The following SFT2D1 variants were observed in gnomAD, a reference collection of about 807,000 sequenced individuals.
The protein encoded by SFT2D1 is SFT2 domain containing 1, also known as vesicle transport protein SFT2A.
SFT2D1 carries 24 observed loss-of-function variants against 28.1 expected under a neutral mutation model. The observed-to-expected ratio is 0.85, with a 90% CI of 0.62 to 1.20. SFT2D1 has a LOEUF of 1.20. Ranked by LOEUF, SFT2D1 falls within the 50% of genes most tolerant of loss-of-function variation. The probability of loss-of-function intolerance (pLI) is 0.00; values close to 1 mark genes in which losing one functional copy is unlikely to be tolerated. For synonymous variants in SFT2D1, 82 were observed against 73.7 expected (o/e 1.11, Z -0.58); for missense variants, 181 against 190.9 (o/e 0.95, Z 0.31).
At chr6:166,333,042 T>C (rs552553211) in intron 1 of SFT2D1, among the ~76,000 whole-genome samples, 15 of 152,230 alleles carry the variant, frequency 9.9e-5, no homozygotes, top group Admixed American at 6.5e-4. Context: ...CATCTAAACA[T>C]AGGAAACACT....
intron 3 of SFT2D1, 68 bp downstream of exon 3, chr6:166,329,439 A>G (rs1778509272): frequency 7.5e-7 from 1 of 1,334,562 alleles, no homozygotes; most frequent in Non-Finnish European, 1.1e-6. Flanking sequence ...TCCTACTGGG[A>G]AAGTGCTTAT....
chr6:166,341,493 T>C (rs1430741597), intron 1 of SFT2D1, among the ~76,000 whole-genome samples: 1 of 149,032 alleles, frequency 6.7e-6, no homozygotes, highest in Non-Finnish European at 1.5e-5. Flanking sequence ...GTGGCTGTGG[T>C]AATATACAGA....
intron 1 of SFT2D1, among the ~76,000 whole-genome samples, chr6:166,338,437 T>A (rs1245923143): frequency 6.6e-6 from 1 of 151,920 alleles, no homozygotes; most frequent in African/African-American, 2.4e-5. Flanking sequence ...AAATGGGCAA[T>A]AAACTAATGA....
rs1778804047 is a variant in SFT2D1, at chr6:166,342,434, C to G, written c.48G>C (p.Gln16His). 9 of 1,561,028 alleles carry G rather than the reference C, an allele frequency of 5.8e-6. No individual in the cohort carries two copies. The highest frequency in any genetic ancestry group is 7.8e-6 in the Non-Finnish European group (9 of 1,153,336). Residue 16 changes from glutamine (Q) to histidine (H), a missense_variant, in exon 1 of 8, where the codon CAG (glutamine) becomes CAC (histidine). By Grantham distance (24) the Gln-to-His change is conservative. Transcript: ENST00000361731. ...RVLSGQDDEEQGLTAQVLDAS... is the reference protein window; with the variant it reads ...RVLSGQDDEEHGLTAQVLDAS... ...AGTTCGCTACCTGCGCAGTCAGGCC[C>G]TGCTCCTCGTCGTCCTGGCCGCTCA...
intron 2 of SFT2D1, 111 bp downstream of exon 2, chr6:166,330,050 C>G: frequency 1.3e-6 from 1 of 744,448 alleles, no homozygotes; most frequent in Non-Finnish European, 2.0e-6. Flanking sequence ...ATACCTTCCA[C>G]CAAAATGGTC....
At chr6:166,320,854 G>A (rs1295233132) in intron 7 of SFT2D1, among the ~76,000 whole-genome samples, 6 of 152,180 alleles carry the variant, frequency 3.9e-5, no homozygotes, top group Non-Finnish European at 7.4e-5. Flanking sequence ...GGCCAGGCAA[G>A]GTGGCTCACG....
At chr6:166,326,502 C>G (rs1182885746) in intron 4 of SFT2D1, among the ~76,000 whole-genome samples, 1 of 152,204 alleles carries the variant, frequency 6.6e-6, no homozygotes, top group Non-Finnish European at 1.5e-5. Context: ...GAGATCCCAG[C>G]TCTGACGCCT....
At chr6:166,320,551 TTTTC>T (rs1778332961) in intron 7 of SFT2D1, among the ~76,000 whole-genome samples, 1 of 142,116 alleles carries the variant, frequency 7.0e-6, no homozygotes, top group Non-Finnish European at 1.6e-5. Flanking sequence ...GATCTAACTT[TTTTC>T]TTTTTTTTTC....
At chr6:166,329,351 G>A (rs1407792036) in intron 3 of SFT2D1, among the ~76,000 whole-genome samples, 156 bp downstream of exon 3, 2 of 152,176 alleles carry the variant, frequency 1.3e-5, no homozygotes, top group African/African-American at 2.4e-5. Context: ...ACGGCATACA[G>A]CAGCAGTCAA....
At chr6:166,342,337 C>T in intron 1 of SFT2D1, 82 bp downstream of exon 1, 1 of 1,349,854 alleles carries the variant, frequency 7.4e-7, no homozygotes, top group South Asian at 1.4e-5. Context: ...GCCTCGCACC[C>T]ACCCCACCCG....
At chr6:166,321,019 G>A (rs1778344744) in intron 7 of SFT2D1, among the ~76,000 whole-genome samples, 1 of 152,036 alleles carries the variant, frequency 6.6e-6, no homozygotes, top group African/African-American at 2.4e-5. Context: ...GCTGAGCCAG[G>A]AGAAACTCTT....
Position 166,329,492 on chromosome 6 carries a change from A to G in SFT2D1, c.233+15T>C. ...TAGCAAGAGCAAACAAGATATTTTG[A>G]GAAGCCAAACGTACCTGGCTAACGC... On this transcript the variant is annotated intron_variant, in intron 3 of 7. Transcript: ENST00000361731. 1 of 1,599,070 alleles carries G rather than the reference A, an allele frequency of 6.3e-7. No individual in the cohort carries two copies. Among genetic ancestry groups the G allele is most frequent in the Non-Finnish European group, 8.5e-7 (1 of 1,172,002 alleles).
intron 1 of SFT2D1, among the ~76,000 whole-genome samples, chr6:166,340,048 T>A (rs2092140): frequency 0.29 from 44,764 of 152,164 alleles, 7,780 homozygotes; most frequent in East Asian, 0.5. Context: ...TCAGGTCGAA[T>A]GCCATGAGGC....
chr6:166,328,424 C>A, intron 3 of SFT2D1, 67 bp from the exon 4 acceptor site: 2 of 943,020 alleles, frequency 2.1e-6, no homozygotes, highest in South Asian at 2.2e-5. Context: ...CAAAAATAAA[C>A]TACTTTTTTA....
At position 166,319,959 on chromosome 6, in the gene SFT2D1, A is replaced by T; in HGVS notation, c.*258T>A. 1 of 358,226 alleles carries T rather than the reference A, an allele frequency of 2.8e-6. No individual in the cohort carries two copies. The highest frequency in any genetic ancestry group is 5.0e-6 in the Non-Finnish European group (1 of 201,148). 22.2% of individuals were successfully genotyped at this position (358,226 alleles called of 1,614,324 possible). A position where few individuals can be genotyped will look rare whatever the true frequency, so the allele number is the denominator to read the frequency against. On this transcript the variant is annotated 3_prime_UTR_variant, in exon 8 of 8. Coordinates refer to ENST00000361731, the MANE Select transcript of SFT2D1 (RefSeq NM_145169.3). ...TTGAAAAGATTTAAAAATTGGCTAAAAATAATTTACAACTGGCAGTGATTA... is the reference window on the plus strand; with the variant it reads ...TTGAAAAGATTTAAAAATTGGCTAATAATAATTTACAACTGGCAGTGATTA...
chr6:166,338,216 C>T (rs753262952), intron 1 of SFT2D1, among the ~76,000 whole-genome samples: 2 of 152,148 alleles, frequency 1.3e-5, no homozygotes, highest in Non-Finnish European at 1.5e-5. Context: ...TAGAATGTTC[C>T]GGCATTATGT....
intron 1 of SFT2D1, among the ~76,000 whole-genome samples, chr6:166,339,055 A>G (rs139873059): frequency 0.018 from 2,732 of 152,096 alleles, 55 homozygotes; most frequent in Non-Finnish European, 0.024. Context: ...GCTGCACAAG[A>G]CGTGCAACAC....
chr6:166,329,687 AAT>A (rs1193798627), intron 2 of SFT2D1, 98 bp from the exon 3 acceptor site: 6 of 902,780 alleles, frequency 6.6e-6, no homozygotes, highest in Non-Finnish European at 8.3e-6. Context: ...AATATTATGT[AAT>A]ATGTTTAAAT....
At chr6:166,336,847 G>A (rs1031171547) in intron 1 of SFT2D1, among the ~76,000 whole-genome samples, 2 of 152,232 alleles carry the variant, frequency 1.3e-5, no homozygotes, top group African/African-American at 4.8e-5. Context: ...TGGGATTATA[G>A]GCATGAGCCA....
Sources: gnomAD v4.1 joint callset for allele counts (sites outside exome capture counted in the v4.1 genomes callset) on GRCh38, gnomAD v4.1.1 for gene constraint, MANE v1.5 for transcripts, NCBI Gene and HGNC (gene_info 2026-07-23, HGNC 2026-07-21) for gene names.